The following FECH variants were observed in gnomAD, a reference collection of about 807,000 sequenced individuals.
FECH encodes ferrochelatase, mitochondrial.
A neutral mutation model predicts 56.9 loss-of-function variants in FECH; 40 were observed. That is an observed-to-expected ratio of 0.70 (90% CI 0.55 to 0.92). The LOEUF (loss-of-function observed/expected upper bound fraction) is 0.92, where lower values mean the gene tolerates loss of function less well. Among genes scored for constraint, FECH ranks in the 40% least tolerant of loss-of-function variants. The pLI is 0.00. For missense variants in FECH, 431 were observed against 529.1 expected (o/e 0.81, Z 1.82); for synonymous variants, 175 against 198.6 (o/e 0.88, Z 1.00).
chr18:57,555,057 T>C, intron 7 of FECH, 105 bp from the exon 8 acceptor site: 1 of 853,276 alleles, frequency 1.2e-6, no homozygotes, highest in Non-Finnish European at 2.0e-6. Context: ...AAGCCCTCCC[T>C]TTCTGTCTCC....
Position 57,550,550 on chromosome 18 carries a change from A to G in FECH, c.*162T>C. ...AGTTATATAAAAATAGAAATCCATC[A>G]AGAGTCCAATCCTCAAGAAACCACA... On this transcript the variant is annotated 3_prime_UTR_variant, in exon 11 of 11. Transcript: ENST00000262093. The G allele has an allele frequency of 1.3e-6, 1 of 749,750 alleles. No individual in the cohort carries two copies. The allele number at this position is 749,750 out of a possible 1,614,324, so 46.4% of individuals were successfully genotyped here.
chr18:57,574,091 G>A (rs113804033), intron 2 of FECH, among the ~76,000 whole-genome samples: 3,070 of 152,268 alleles, frequency 0.02, 50 homozygotes, highest in South Asian at 0.042. Context: ...TGCAACCTCC[G>A]CCTTCCAGGT....
intron 2 of FECH, among the ~76,000 whole-genome samples, chr18:57,579,203 G>A (rs1046133666): frequency 2.0e-5 from 3 of 148,640 alleles, no homozygotes; most frequent in Non-Finnish European, 3.0e-5. Flanking sequence ...AGCTGAGATT[G>A]TGCCACCACA....
chr18:57,562,327 C>A (rs2050955867), intron 6 of FECH, among the ~76,000 whole-genome samples: 1 of 152,068 alleles, frequency 6.6e-6, no homozygotes, highest in Non-Finnish European at 1.5e-5. Flanking sequence ...TTAACTTATT[C>A]TCCTAAAATC....
At chr18:57,586,411 C>T (rs1264551760) in intron 1 of FECH, 143 bp downstream of exon 1, 10 of 881,396 alleles carry the variant, frequency 1.1e-5, no homozygotes, top group Non-Finnish European at 1.6e-5. Context: ...TTCTCCGCGA[C>T]GCCCCTCGCC....
At chr18:57,552,336 C>T (rs1380140175) in intron 9 of FECH, among the ~76,000 whole-genome samples, 1 of 151,954 alleles carries the variant, frequency 6.6e-6, no homozygotes, top group East Asian at 1.9e-4. Context: ...TCTTCTCTTT[C>T]CCTTTTCTTT....
Position 57,586,540 on chromosome 18 carries a change from A to G in FECH, c.67+14T>C. 6.6e-7 allele frequency: 1 copy of G among 1,520,826 alleles called. No homozygotes were observed. The highest frequency in any genetic ancestry group is 8.8e-7 in the Non-Finnish European group (1 of 1,140,554). 94.2% of individuals were successfully genotyped at this position (1,520,826 alleles called of 1,614,324 possible). A position where few individuals can be genotyped will look rare whatever the true frequency, so the allele number is the denominator to read the frequency against. On this transcript the variant is annotated intron_variant, in intron 1 of 10. Coordinates refer to ENST00000262093, the MANE Select transcript of FECH (RefSeq NM_000140.5). ...GATCCTGGCCCTGGCGGCCGCCGCGACAGACCCACTTACGCGGATCGCGGA... is the reference window on the plus strand; with the variant it reads ...GATCCTGGCCCTGGCGGCCGCCGCGGCAGACCCACTTACGCGGATCGCGGA...
At position 57,554,686 on chromosome 18, in the gene FECH, T is replaced by C. The variant is rs76566451; in HGVS notation, c.912+159A>G. ...CTCCACGAGTCACTTGATTTCCCCTTCTATCTTACTCGCTTGCAGAGTTCT... is the reference window on the plus strand; with the variant it reads ...CTCCACGAGTCACTTGATTTCCCCTCCTATCTTACTCGCTTGCAGAGTTCT... On this transcript the variant is annotated intron_variant, in intron 8 of 10. Transcript: ENST00000262093. 2.1e-3 allele frequency among the ~76,000 whole-genome samples: 317 copies of C among 152,332 alleles called. 2 individuals are homozygous for C. The highest frequency in any genetic ancestry group is 7.4e-3 in the African/African-American group (308 of 41,574).
At chr18:57,560,244 T>C (rs761899467) in intron 6 of FECH, among the ~76,000 whole-genome samples, 1 of 152,148 alleles carries the variant, frequency 6.6e-6, no homozygotes, top group East Asian at 1.9e-4. Context: ...GCATAACTTA[T>C]TCTCAAATGG....
chr18:57,576,880 G>A (rs575804759), intron 2 of FECH, among the ~76,000 whole-genome samples: 1 of 152,294 alleles, frequency 6.6e-6, no homozygotes, highest in Non-Finnish European at 1.5e-5. Context: ...CCTCCAGACA[G>A]AACACACCTG....
chr18:57,573,252 A>C lies in FECH; in HGVS notation c.308T>G (p.Ile103Ser). The change falls in exon 3 of 11, where the codon ATT becomes AGT. Residue 103 changes from isoleucine (I) to serine (S), a missense_variant. Coordinates refer to ENST00000262093, the MANE Select transcript of FECH (RefSeq NM_000140.5). ...FLDRDLMTLPIQNKLAPFIAK... is the reference protein window; with the variant it reads ...FLDRDLMTLPSQNKLAPFIAK... ...GTGTTTATATATATCTCACTTCTGA[A>C]TAGGAAGTGTCATGAGGTCTCGGTC... 1 of 1,613,374 alleles carries C rather than the reference A, an allele frequency of 6.2e-7. No individual in the cohort carries two copies. Among genetic ancestry groups the C allele is most frequent in the Non-Finnish European group, 8.5e-7 (1 of 1,179,256 alleles).
intron 9 of FECH, among the ~76,000 whole-genome samples, chr18:57,553,985 A>G (rs985012556): frequency 6.6e-6 from 1 of 152,240 alleles, no homozygotes; most frequent in Non-Finnish European, 1.5e-5. Flanking sequence ...ACTTTCGAGT[A>G]GCCCAGTAAC....
intron 9 of FECH, among the ~76,000 whole-genome samples, chr18:57,553,528 C>T (rs1038806752): frequency 1.3e-5 from 2 of 152,150 alleles, no homozygotes; most frequent in Non-Finnish European, 2.9e-5. Context: ...TGGGTCCCAA[C>T]GCTTCCACAC....
chr18:57,548,363 A>G lies in FECH; in HGVS notation c.*2349T>C, dbSNP rs1359660326. 2.0e-5 allele frequency: 3 copies of G among 152,208 alleles called. No individual in the cohort carries two copies. Among genetic ancestry groups the G allele is most frequent in the Admixed American group, 1.3e-4 (2 of 15,282 alleles). 9.4% of individuals were successfully genotyped at this position (152,208 alleles called of 1,614,324 possible). ...AAAAAGTTAAGTAGTTCAAGAATGC[A>G]TATTCTTTAGAAGAGCACTATACAT... On this transcript the variant is annotated 3_prime_UTR_variant, in exon 11 of 11. Transcript: ENST00000262093.
At chr18:57,582,139 T>C (rs763812526) in intron 1 of FECH, among the ~76,000 whole-genome samples, 30 of 152,104 alleles carry the variant, frequency 2.0e-4, no homozygotes, top group Non-Finnish European at 3.7e-4. Flanking sequence ...TCCTTATGAG[T>C]GAGATTGTAT....
chr18:57,569,452 T>C (rs1257706283), intron 4 of FECH, among the ~76,000 whole-genome samples: 4 of 152,126 alleles, frequency 2.6e-5, no homozygotes, highest in Admixed American at 6.5e-5. Flanking sequence ...TTTTTCTTAA[T>C]AGAAATAAAT....
chr18:57,570,735 G>A (rs2051093464), intron 4 of FECH, among the ~76,000 whole-genome samples: 1 of 152,168 alleles, frequency 6.6e-6, no homozygotes. Flanking sequence ...CAAAAACAGG[G>A]TGTCCTGCAA....
At position 57,549,873 on chromosome 18, in the gene FECH, G is replaced by T. The variant is rs1183252209; in HGVS notation, c.*839C>A. ...GAAGGCATTCAACTAAGATAGAGAA[G>T]ATGCTGGATGGAGAGGCTTGCAAGG... is the stretch of plus-strand genomic sequence containing the variant. On this transcript the variant is annotated 3_prime_UTR_variant, in exon 11 of 11. Coordinates refer to ENST00000262093, the MANE Select transcript of FECH (RefSeq NM_000140.5). 1.3e-5 allele frequency: 2 copies of T among 152,196 alleles called. No individual in the cohort carries two copies. The highest frequency in any genetic ancestry group is 4.8e-5 in the African/African-American group (2 of 41,434). 9.4% of individuals were successfully genotyped at this position (152,196 alleles called of 1,614,324 possible). A position where few individuals can be genotyped will look rare whatever the true frequency, so the allele number is the denominator to read the frequency against.
At chr18:57,567,898 T>C (rs1335978394) in intron 4 of FECH, 6 of 152,120 alleles carry the variant, frequency 3.9e-5, no homozygotes, top group African/African-American at 1.4e-4. Flanking sequence ...AAGAAGGAAG[T>C]AAAACTAGAT....
Sources: allele counts gnomAD v4.1 joint callset (sites outside exome capture counted in the v4.1 genomes callset), GRCh38; gene constraint gnomAD v4.1.1; transcripts MANE v1.5; gene names NCBI Gene and HGNC (gene_info 2026-07-23, HGNC 2026-07-21).